CETN3: variants seen among roughly 807,000 people sequenced by gnomAD.
CETN3 encodes centrin-3.
CETN3 carries 17 observed loss-of-function variants against 20.1 expected under a neutral mutation model. That is an observed-to-expected ratio of 0.85 (90% CI 0.58 to 1.27). The LOEUF is 1.27. Among genes scored for constraint, CETN3 ranks in the 50% most tolerant of loss-of-function variants. The pLI is 0.00. For missense variants in CETN3, 169 were observed against 191.2 expected, an observed-to-expected ratio of 0.88 and a Z score of 0.69; for synonymous variants, 52 against 59.7, an observed-to-expected ratio of 0.87 and a Z score of 0.59.
chr5:90,400,588 T>TAAAAAAAAAAAA (rs200830960), intron 3 of CETN3, among the ~76,000 whole-genome samples: 1 of 116,448 alleles, frequency 8.6e-6, no homozygotes. Flanking sequence ...ACAGAATCAT[T>TAAAAAAAAAAAA]AAAAAAAAAA....
At chr5:90,406,136 G>A (rs1350231362) in intron 2 of CETN3, among the ~76,000 whole-genome samples, 2 of 152,028 alleles carry the variant, frequency 1.3e-5, no homozygotes, top group East Asian at 1.9e-4. Context: ...AGAAAAAGGC[G>A]TGGCATAAAT....
chr5:90,403,134 T>G (rs1270034999), intron 3 of CETN3, among the ~76,000 whole-genome samples: 2 of 152,206 alleles, frequency 1.3e-5, no homozygotes, highest in African/African-American at 4.8e-5. Flanking sequence ...TTTTTTCCAG[T>G]ACTAGGAAGA....
chr5:90,403,875 GAAAAAAAAAA>G (rs60385437), intron 3 of CETN3, among the ~76,000 whole-genome samples: 16 of 86,736 alleles, frequency 1.8e-4, no homozygotes, highest in African/African-American at 3.7e-4. Context: ...TGTCTCAAAA[GAAAAAAAAAA>G]AAAAAAAAAA....
intron 3 of CETN3, among the ~76,000 whole-genome samples, chr5:90,403,803 G>A (rs944082837): frequency 1.6e-4 from 23 of 144,074 alleles, no homozygotes; most frequent in Middle Eastern, 3.6e-3. Context: ...CCCGGGAGGC[G>A]GAGCTTGCAG....
At chr5:90,404,946 T>C (rs1749395935) in intron 3 of CETN3, among the ~76,000 whole-genome samples, 2 of 152,150 alleles carry the variant, frequency 1.3e-5, no homozygotes, top group Admixed American at 1.3e-4. Flanking sequence ...TAAGTTATAA[T>C]AGCAACATCC....
In CETN3 at chr5:90,407,694, ATTACCT is replaced by A. The variant is rs780543751; in HGVS notation, c.152_153+4del. 3 of 1,490,804 alleles carry A rather than the reference ATTACCT, an allele frequency of 2.0e-6. No individual in the cohort carries two copies. The highest frequency in any genetic ancestry group is 1.4e-5 in the African/African-American group (1 of 70,954). The allele number at this position is 1,490,804 out of a possible 1,614,324, so 92.3% of individuals were successfully genotyped here. Reference sequence around the variant, plus strand: ...AGAAACAAATATTTTAAAGTATACCATTACCTTTAATTCATGATAATCTATTGCTTC... The same window carrying A: ...AGAAACAAATATTTTAAAGTATACCATTAATTCATGATAATCTATTGCTTC... On this transcript the variant is annotated splice_donor_variant and splice_donor_region_variant and coding_sequence_variant and intron_variant, in exon 2 of 5. Transcript: ENST00000283122. LOFTEE classifies it high-confidence loss of function.
Position 90,393,274 on chromosome 5 carries a change from A to T in CETN3, c.*790T>A, listed in dbSNP as rs1749059902. ...TCTATTTTCATCACTGTGACATGTA[A>T]TTGAGTGATAATTACCTTAACAAAT... is the stretch of plus-strand genomic sequence containing the variant. On this transcript the variant is annotated 3_prime_UTR_variant, in exon 5 of 5. Coordinates refer to ENST00000283122, the MANE Select transcript of CETN3 (RefSeq NM_004365.4). The T allele has an allele frequency of 6.6e-6, 1 of 152,208 alleles. No individual in the cohort carries two copies. The highest frequency in any genetic ancestry group is 2.4e-5 in the African/African-American group (1 of 41,454). 9.4% of individuals were successfully genotyped at this position (152,208 alleles called of 1,614,324 possible). A position where few individuals can be genotyped will look rare whatever the true frequency, so the allele number is the denominator to read the frequency against.
At chr5:90,396,382 T>C (rs1035807192) in intron 4 of CETN3, 10 of 1,402,032 alleles carry the variant, frequency 7.1e-6, no homozygotes, top group Non-Finnish European at 9.3e-7. Context: ...CTTTAACCTT[T>C]GCAGTTAAAT....
At chr5:90,394,132 A>C (rs756211755) in intron 4 of CETN3, 25 bp from the exon 5 acceptor site, 6 of 1,451,074 alleles carry the variant, frequency 4.1e-6, no homozygotes, top group South Asian at 1.2e-5. Context: ...AAAATGAAAT[A>C]GTCAGAAATA....
chr5:90,406,587 G>C (rs1368011021), intron 2 of CETN3, among the ~76,000 whole-genome samples: 1 of 151,772 alleles, frequency 6.6e-6, no homozygotes. Context: ...AAAGTGTAGA[G>C]AACATTCAGT....
intron 1 of CETN3, 74 bp downstream of exon 1, chr5:90,409,571 C>T: frequency 6.4e-7 from 1 of 1,573,550 alleles, no homozygotes; most frequent in Non-Finnish European, 8.7e-7. Context: ...CCCCAAACGT[C>T]CTCCCTTCCA....
At chr5:90,403,144 A>C (rs1386421531) in intron 3 of CETN3, among the ~76,000 whole-genome samples, 1 of 152,224 alleles carries the variant, frequency 6.6e-6, no homozygotes, top group African/African-American at 2.4e-5. Flanking sequence ...TACTAGGAAG[A>C]GTCTATAATA....
At chr5:90,400,454 T>C (rs1226678802) in intron 3 of CETN3, among the ~76,000 whole-genome samples, 1 of 152,046 alleles carries the variant, frequency 6.6e-6, no homozygotes, top group Non-Finnish European at 1.5e-5. Context: ...AGTTACTAAA[T>C]AAAATTCTAA....
chr5:90,394,148 AT>A, intron 4 of CETN3, 41 bp from the exon 5 acceptor site: 2 of 1,371,584 alleles, frequency 1.5e-6, no homozygotes, highest in Non-Finnish European at 2.0e-6. Context: ...AAATATAAAC[AT>A]TTTATTTTTT....
intron 4 of CETN3, among the ~76,000 whole-genome samples, chr5:90,397,698 A>G (rs1398312525): frequency 6.6e-6 from 1 of 152,134 alleles, no homozygotes; most frequent in African/African-American, 2.4e-5. Flanking sequence ...AGGCAATACA[A>G]TATTACGTTT....
chr5:90,409,485 A>C (rs1160599964), intron 1 of CETN3, among the ~76,000 whole-genome samples, 160 bp downstream of exon 1: 1 of 152,226 alleles, frequency 6.6e-6, no homozygotes, highest in African/African-American at 2.4e-5. Context: ...ATCAGAGCCC[A>C]GAGGGTGAGT....
At chr5:90,398,568 T>G (rs1456526177) in intron 4 of CETN3, among the ~76,000 whole-genome samples, 2 of 152,148 alleles carry the variant, frequency 1.3e-5, no homozygotes, top group African/African-American at 4.8e-5. Context: ...CATAAAAATG[T>G]GTTTTCAGGA....
At chr5:90,400,183 G>A (rs896942709) in intron 3 of CETN3, among the ~76,000 whole-genome samples, 2 of 152,062 alleles carry the variant, frequency 1.3e-5, no homozygotes, top group African/African-American at 4.8e-5. Flanking sequence ...TCTGACTATA[G>A]CAGGAAAGCC....
chr5:90,397,900 T>G (rs750776761), intron 4 of CETN3, among the ~76,000 whole-genome samples: 6 of 152,170 alleles, frequency 3.9e-5, no homozygotes, highest in African/African-American at 1.4e-4. Context: ...ATTATGGAAA[T>G]TAAGTGACAT....
Sources: allele counts gnomAD v4.1 joint callset (sites outside exome capture counted in the v4.1 genomes callset), GRCh38; gene constraint gnomAD v4.1.1; transcripts MANE v1.5; gene names NCBI Gene and HGNC (gene_info 2026-07-23, HGNC 2026-07-21).